CELF2: variants seen among roughly 807,000 people sequenced by gnomAD.
CELF2 encodes CUGBP Elav-like family member 2, also known as CUG triplet repeat RNA-binding protein 2.
CELF2 carries 8 observed loss-of-function variants against 62.6 expected under a neutral mutation model. The observed-to-expected ratio is 0.13, with a 90% CI of 0.07 to 0.23. The LOEUF (loss-of-function observed/expected upper bound fraction) is 0.23. CELF2 is among the 10% of genes least tolerant of loss of function. CELF2 has a pLI of 1.00. For missense variants in CELF2, 333 were observed against 671.0 expected (o/e 0.50, Z 5.56); for synonymous variants, 258 against 250.0 (o/e 1.03, Z -0.30).
At chr10:11,067,470 G>A (rs2140834394) in intron 1 of CELF2, among the ~76,000 whole-genome samples, 1 of 152,276 alleles carries the variant, frequency 6.6e-6, no homozygotes, top group Admixed American at 6.5e-5. Flanking sequence ...TGTTGTCCAA[G>A]GAAAATGAGA....
At chr10:10,797,984 G>A (rs1203482274), upstream of CELF2, among the ~76,000 whole-genome samples, 2 of 152,064 alleles carry the variant, frequency 1.3e-5, no homozygotes, top group East Asian at 1.9e-4. Flanking sequence ...AGATACACAA[G>A]GTGGGGGGCG....
chr10:11,017,372 C>T (rs1350941692), upstream of CELF2, among the ~76,000 whole-genome samples: 2 of 152,238 alleles, frequency 1.3e-5, no homozygotes, highest in African/African-American at 4.8e-5. This position sits in a 1 kb window ranked among gnomAD's most constrained non-coding sequence, Gnocchi z 5.5. Context: ...AAGGCAGTGC[C>T]ATCGTGCAGA....
intron 2 of CELF2, among the ~76,000 whole-genome samples, chr10:10,944,524 C>T (rs1211913963): frequency 2.0e-5 from 3 of 152,120 alleles, no homozygotes; most frequent in East Asian, 1.9e-4. Flanking sequence ...AGAAGCTCAA[C>T]TTTAGAGGGG....
At position 11,290,859 on chromosome 10, in the gene CELF2, C is replaced by T. The variant is rs2092423203; in HGVS notation, c.976+2307C>T. On this transcript the variant is annotated intron_variant, in intron 9 of 12. Coordinates refer to ENST00000633077, the MANE Select transcript of CELF2 (RefSeq NM_001326342.2). This position sits in a 1 kb window ranked among gnomAD's most constrained non-coding sequence, Gnocchi z 4.3. ...TTAGAATCCTAAAGTGTAGCAGCAG[C>T]AATGATTGAAATCTACATTTCAATT... 6.6e-6 allele frequency among the ~76,000 whole-genome samples: 1 copy of T among 152,150 alleles called. No homozygotes were observed. Among genetic ancestry groups the T allele is most frequent in the African/African-American group, 2.4e-5 (1 of 41,414 alleles).
chr10:10,609,543 G>C, the CELF2 span, among the ~76,000 whole-genome samples: 4 of 152,236 alleles, frequency 2.6e-5, no homozygotes, highest in Non-Finnish European at 5.9e-5. Context: ...CAAATGTGAA[G>C]GATAAGAGGG....
At chr10:10,825,285 C>G (rs1057353768) in intron 1 of CELF2, among the ~76,000 whole-genome samples, 4 of 152,232 alleles carry the variant, frequency 2.6e-5, no homozygotes, top group African/African-American at 9.6e-5. Flanking sequence ...TCTCGACTCA[C>G]TGCAAGCTCC....
intron 2 of CELF2, among the ~76,000 whole-genome samples, chr10:10,975,164 C>T (rs1183111209): frequency 6.6e-6 from 1 of 152,186 alleles, no homozygotes; most frequent in Non-Finnish European, 1.5e-5. Context: ...GTCACCCAGT[C>T]TGCAGTGCAA....
chr10:10,750,700 GAAAGTT>G, the CELF2 span, among the ~76,000 whole-genome samples: 1 of 152,226 alleles, frequency 6.6e-6, no homozygotes, highest in Non-Finnish European at 1.5e-5. Flanking sequence ...TTAGGCAAGA[GAAAGTT>G]AAAGTTTAAT....
the CELF2 span, among the ~76,000 whole-genome samples, chr10:10,478,697 C>A: frequency 6.6e-6 from 1 of 152,114 alleles, no homozygotes; most frequent in Non-Finnish European, 1.5e-5. Flanking sequence ...ATGCAGGGAT[C>A]GTGATGGTAA....
At chr10:10,563,327 G>A in the CELF2 span, among the ~76,000 whole-genome samples, 10 of 152,230 alleles carry the variant, frequency 6.6e-5, no homozygotes, top group African/African-American at 2.4e-4. Flanking sequence ...AGAGAGGATA[G>A]AGACTGGGCA....
At chr10:11,149,248 T>G (rs954874747) in intron 1 of CELF2, among the ~76,000 whole-genome samples, 1 of 152,158 alleles carries the variant, frequency 6.6e-6, no homozygotes, top group Non-Finnish European at 1.5e-5. Flanking sequence ...TTTTTGTATT[T>G]TTAGTGGAGA....
the CELF2 span, among the ~76,000 whole-genome samples, chr10:10,554,055 GC>G: frequency 3.3e-5 from 5 of 152,146 alleles, no homozygotes; most frequent in Non-Finnish European, 5.9e-5. Flanking sequence ...AAAACTGGGA[GC>G]CATTGTGTGA....
rs75579464 is a variant in CELF2 at position 10,802,424 on chromosome 10, C to T, written c.53+3607C>T. ...GGCAGAGGTTGCAGTGAGCTGAGAT[C>T]GTGCCACTGCACTCCAGCCTGGGTG... On this transcript the variant is annotated intron_variant, in intron 1 of 13. Coordinates refer to the CELF2 transcript ENST00000636488. 2.6e-3 allele frequency among the ~76,000 whole-genome samples: 392 copies of T among 152,226 alleles called. 13 individuals are homozygous for T. In the East Asian group the frequency reaches 0.068, roughly 27 times the overall value.
upstream of CELF2, among the ~76,000 whole-genome samples, chr10:11,004,753 A>G (rs1451182096): frequency 1.3e-5 from 2 of 152,056 alleles, no homozygotes; most frequent in African/African-American, 4.8e-5. The surrounding 1 kb of genome is among the most constrained non-coding windows in gnomAD (Gnocchi z 5.0). Flanking sequence ...CTCGATCTCT[A>G]TGCTATGCAT....
At chr10:11,107,399 A>G (rs561437039) in intron 1 of CELF2, among the ~76,000 whole-genome samples, 2 of 152,164 alleles carry the variant, frequency 1.3e-5, no homozygotes, top group South Asian at 4.1e-4. Context: ...GAATCCTCTC[A>G]TCCACCAATA....
At chr10:10,542,267 A>C in the CELF2 span, among the ~76,000 whole-genome samples, 1 of 152,178 alleles carries the variant, frequency 6.6e-6, no homozygotes, top group Non-Finnish European at 1.5e-5. Flanking sequence ...GGGTTGAGTA[A>C]CTCACCAAAG....
intron 1 of CELF2, among the ~76,000 whole-genome samples, chr10:10,914,170 T>A (rs1159399997): frequency 6.6e-6 from 1 of 152,072 alleles, no homozygotes; most frequent in Non-Finnish European, 1.5e-5. Flanking sequence ...GGGAAAAAAA[T>A]TAAAGATACA....
At chr10:11,197,083 G>A (rs944582104) in intron 2 of CELF2, among the ~76,000 whole-genome samples, 1 of 114,732 alleles carries the variant, frequency 8.7e-6, no homozygotes, top group Non-Finnish European at 1.8e-5. Flanking sequence ...AAGAAAGAAA[G>A]AAGAAAGAAA....
intron 1 of CELF2, among the ~76,000 whole-genome samples, chr10:10,807,650 CAGAT>C (rs747447203): frequency 2.0e-5 from 3 of 151,856 alleles, no homozygotes; most frequent in South Asian, 2.1e-4. Context: ...TTTTGGATGA[CAGAT>C]AGCTTAAGAC....
Sources: gnomAD v4.1 joint callset for allele counts (sites outside exome capture counted in the v4.1 genomes callset) on GRCh38, gnomAD v4.1.1 for gene constraint, Gnocchi (gnomAD v3.1) non-coding constraint, MANE v1.5 for transcripts, NCBI Gene and HGNC (gene_info 2026-07-23, HGNC 2026-07-21) for gene names.